The following STS variants were observed in gnomAD, a reference collection of about 807,000 sequenced individuals.
STS encodes the protein steryl-sulfatase.
A neutral mutation model predicts 26.8 loss-of-function variants in STS; 7 were observed. The observed-to-expected ratio is 0.26, with a 90% CI of 0.15 to 0.49. STS has a LOEUF of 0.49. Ranked by LOEUF, STS falls within the 20% of genes least tolerant of loss-of-function variation. The probability of loss-of-function intolerance (pLI) is 0.98; values close to 1 mark genes in which losing one functional copy is unlikely to be tolerated. For synonymous variants in STS, 199 were observed against 189.4 expected, an observed-to-expected ratio of 1.05 and a Z score of -0.42; for missense variants, 434 against 465.6, an observed-to-expected ratio of 0.93 and a Z score of 0.63.
intron 10 of STS, among the ~76,000 whole-genome samples, chrX:7,341,969 G>A (rs1258477643): frequency 1.8e-5 from 2 of 109,998 alleles, no homozygotes; most frequent in Admixed American, 9.7e-5. Context: ...CCACCACCAC[G>A]CCCAGCTAGT....
At chrX:7,171,664 T>C (rs867595874) in intron 1 of STS, among the ~76,000 whole-genome samples, 1 of 111,561 alleles carries the variant, frequency 9.0e-6, no homozygotes, top group African/African-American at 3.3e-5. Context: ...GAGTGACTAA[T>C]TGCGAATTAT....
intron 1 of STS, among the ~76,000 whole-genome samples, chrX:7,155,762 A>C (rs779666227): frequency 8.9e-6 from 1 of 112,282 alleles, no homozygotes; most frequent in Non-Finnish European, 1.9e-5. Context: ...GCAAAGCCAC[A>C]TATAACAAAA....
At chrX:7,267,203 T>G (rs1442801383) in intron 6 of STS, among the ~76,000 whole-genome samples, 1 of 112,024 alleles carries the variant, frequency 8.9e-6, no homozygotes, top group African/African-American at 3.2e-5. Context: ...ATTAGGGCAT[T>G]GTATGAGTGT....
intron 2 of STS, among the ~76,000 whole-genome samples, chrX:7,227,326 T>A (rs1038549212): frequency 2.0e-4 from 22 of 111,631 alleles, no homozygotes; most frequent in Non-Finnish European, 3.2e-4. Flanking sequence ...AGTCCCACTC[T>A]CTTCACTTGA....
At chrX:7,285,105 G>A (rs1171058437) in intron 7 of STS, among the ~76,000 whole-genome samples, 1 of 110,549 alleles carries the variant, frequency 9.0e-6, no homozygotes, top group African/African-American at 3.3e-5. Flanking sequence ...AAGATGAAGA[G>A]GAGGAAGCAG....
At position 7,340,773 on chromosome X, in the gene STS, C is replaced by T. The variant is rs759083325; in HGVS notation, c.1363+6666C>T. ...TCTCTGGGGTGCAGAATCTTTCAAGCGGCTTTTCCACCTCCTGTAGAATGT... is the reference window on the plus strand; with the variant it reads ...TCTCTGGGGTGCAGAATCTTTCAAGTGGCTTTTCCACCTCCTGTAGAATGT... On this transcript the variant is annotated intron_variant, in intron 10 of 10. Coordinates refer to ENST00000674429, the MANE Select transcript of STS (RefSeq NM_001320752.2). Among the ~76,000 whole-genome samples, 6 of 112,375 alleles carry T rather than the reference C, an allele frequency of 5.3e-5. No homozygotes were observed. In the East Asian group the frequency reaches 8.4e-4, roughly 16 times the overall value.
intron 2 of STS, among the ~76,000 whole-genome samples, chrX:7,233,358 A>G (rs760452938): frequency 9.0e-6 from 1 of 111,169 alleles, no homozygotes; most frequent in Non-Finnish European, 1.9e-5. Context: ...CCTCACAAAG[A>G]TATTTCTTAC....
At chrX:7,323,736 T>A (rs1452579321) in intron 8 of STS, among the ~76,000 whole-genome samples, 1 of 111,893 alleles carries the variant, frequency 8.9e-6, no homozygotes, top group Non-Finnish European at 1.9e-5. Context: ...GGAATAACCA[T>A]GAATTAAATG....
chrX:7,331,208 A>G (rs1372485950), intron 9 of STS, among the ~76,000 whole-genome samples: 2 of 111,627 alleles, frequency 1.8e-5, no homozygotes, highest in Non-Finnish European at 3.8e-5. Context: ...TGACGTCAAT[A>G]GGGTTCAGGG....
intron 1 of STS, among the ~76,000 whole-genome samples, chrX:7,155,245 A>G (rs1933109256): frequency 8.9e-6 from 1 of 111,952 alleles, no homozygotes; most frequent in South Asian, 3.7e-4. Flanking sequence ...AGAACATAAT[A>G]TCTCCTTCAA....
At chrX:7,220,543 A>ATTTTTTTTTT (rs769097559) in intron 2 of STS, among the ~76,000 whole-genome samples, 1 of 64,975 alleles carries the variant, frequency 1.5e-5, no homozygotes, top group African/African-American at 6.4e-5. Flanking sequence ...TGGATGTCAG[A>ATTTTTTTTTT]TTTTTTTTTT....
chrX:7,192,311 C>T (rs980118586), intron 2 of STS, among the ~76,000 whole-genome samples: 1 of 111,736 alleles, frequency 8.9e-6, no homozygotes, highest in Non-Finnish European at 1.9e-5. Flanking sequence ...GGCCTGTAAT[C>T]GCGGCACTTT....
In STS at chrX:7,197,856, C is replaced by CTACT. The variant is rs770447389; in HGVS notation, c.-5+6849_-5+6852dup. On this transcript the variant is annotated intron_variant, in intron 2 of 10. Transcript: ENST00000674429. ...CGCTCTGGTTCAAACCCCTCTAACA[C>CTACT]TACTGTATCCCTACGATGCACAGCG... Among the ~76,000 whole-genome samples, 135 of 111,608 alleles carry CTACT rather than the reference C, an allele frequency of 1.2e-3. 4 individuals are homozygous for CTACT. The East Asian group carries it at 0.035, about 29-fold the overall frequency.
intron 2 of STS, among the ~76,000 whole-genome samples, chrX:7,246,468 A>ATT (rs33989240): frequency 5.2e-4 from 53 of 102,386 alleles, no homozygotes; most frequent in African/African-American, 1.0e-3. Flanking sequence ...CACCCGGCTA[A>ATT]TTTTTTTTTT....
At chrX:7,251,635 G>C (rs1297075077) in intron 2 of STS, among the ~76,000 whole-genome samples, 1 of 111,271 alleles carries the variant, frequency 9.0e-6, no homozygotes. Flanking sequence ...AGACACCTGC[G>C]CTGTACCCCC....
chrX:7,354,213 T>G lies in STS; in HGVS notation c.*3952T>G, dbSNP rs1928915955. 1 of 111,008 alleles carries G rather than the reference T, an allele frequency of 9.0e-6. No individual in the cohort carries two copies. Among genetic ancestry groups the G allele is most frequent in the Non-Finnish European group, 1.9e-5 (1 of 53,015 alleles). The allele number at this position is 111,008 out of a possible 1,213,427, so 9.1% of individuals were successfully genotyped here. A position where few individuals can be genotyped will look rare whatever the true frequency, so the allele number is the denominator to read the frequency against. ...TCAGCTAGAATCCTGTTAGGTCGGTTTAGATGAATGCTCCCTGATATTTCC... is the reference window on the plus strand; with the variant it reads ...TCAGCTAGAATCCTGTTAGGTCGGTGTAGATGAATGCTCCCTGATATTTCC... On this transcript the variant is annotated 3_prime_UTR_variant, in exon 11 of 11. Transcript: ENST00000674429.
Position 7,217,638 on chromosome X carries a change from A to G in STS, c.-5+26630A>G, listed in dbSNP as rs140595513. Among the ~76,000 whole-genome samples the G allele has an allele frequency of 5.7e-3, 626 of 110,363 alleles. 8 individuals carry two copies. Among genetic ancestry groups the G allele is most frequent in the African/African-American group, 0.019 (590 of 30,301 alleles). On this transcript the variant is annotated intron_variant, in intron 2 of 10. Transcript: ENST00000674429. ...CTTACTGCTTCGGAGGTTTGTTTTG[A>G]CTCTTGTTTGGTTTTCCTAAGGAAT...
chrX:7,160,446 G>C (rs1933218695), intron 1 of STS, among the ~76,000 whole-genome samples: 1 of 112,508 alleles, frequency 8.9e-6, no homozygotes, highest in Non-Finnish European at 1.9e-5. Flanking sequence ...GAAAGTAATT[G>C]CCAAATAGTT....
intron 7 of STS, among the ~76,000 whole-genome samples, chrX:7,284,060 C>A (rs1412229673): frequency 9.0e-6 from 1 of 111,023 alleles, no homozygotes; most frequent in Non-Finnish European, 1.9e-5. Flanking sequence ...ATTCCTAGGG[C>A]TGATTATCTT....
Sources: gnomAD v4.1 joint callset for allele counts (sites outside exome capture counted in the v4.1 genomes callset) on GRCh38, gnomAD v4.1.1 for gene constraint, MANE v1.5 for transcripts, NCBI Gene and HGNC (gene_info 2026-07-23, HGNC 2026-07-21) for gene names.